ABCA13: variants seen among roughly 807,000 people sequenced by gnomAD.
ABCA13 encodes the protein ATP-binding cassette sub-family A member 13.
ABCA13 carries 476 observed loss-of-function variants against 478.7 expected under a neutral mutation model. That is an observed-to-expected ratio of 0.99 (90% CI 0.92 to 1.07). The LOEUF (loss-of-function observed/expected upper bound fraction) is 1.07, where lower values mean the gene tolerates loss of function less well. Among genes scored for constraint, ABCA13 ranks in the 50% least tolerant of loss-of-function variants. ABCA13 has a pLI of 0.00. For synonymous variants in ABCA13, 2,252 were observed against 2,158.9 expected (o/e 1.04, Z -1.20); for missense variants, 6,060 against 5,910.6 (o/e 1.03, Z -0.83).
At chr7:48,179,399 C>T (rs900683694) in intron 1 of ABCA13, among the ~76,000 whole-genome samples, 2 of 152,216 alleles carry the variant, frequency 1.3e-5, no homozygotes, top group East Asian at 1.9e-4. Flanking sequence ...CTCTCTGCTT[C>T]ATTCCTGTCG....
chr7:48,493,607 A>G (rs1395095555), intron 48 of ABCA13, among the ~76,000 whole-genome samples: 1 of 152,148 alleles, frequency 6.6e-6, no homozygotes, highest in Admixed American at 6.5e-5. Flanking sequence ...AAACTTCTTC[A>G]ACTACTTATT....
intron 42 of ABCA13, among the ~76,000 whole-genome samples, chr7:48,445,010 TC>T (rs1196363502): frequency 7.6e-5 from 8 of 105,302 alleles, no homozygotes; most frequent in East Asian, 3.4e-4. Context: ...TTTCTTTCTT[TC>T]TTTTTTTTTT....
intron 58 of ABCA13, among the ~76,000 whole-genome samples, chr7:48,614,149 C>A (rs1264457089): frequency 1.3e-5 from 2 of 150,530 alleles, no homozygotes; most frequent in Non-Finnish European, 1.5e-5. Context: ...AATATCCATT[C>A]TTTTCTTTTC....
At position 48,327,209 on chromosome 7, in the gene ABCA13, G is replaced by A. The variant is rs956113903; in HGVS notation, c.10000-8213G>A. Among the ~76,000 whole-genome samples the A allele has an allele frequency of 9.2e-5, 14 of 152,286 alleles. No homozygotes were observed. The South Asian group carries it at 2.7e-3, about 29-fold the overall frequency. ...TTTCACATGGCTGGGGAGGCCTCAGGAAACTTACAATCATATTGGAAGGTA... is the reference window on the plus strand; with the variant it reads ...TTTCACATGGCTGGGGAGGCCTCAGAAAACTTACAATCATATTGGAAGGTA... On this transcript the variant is annotated intron_variant, in intron 27 of 61. Transcript: ENST00000435803.
intron 39 of ABCA13, chr7:48,404,322 A>G (rs1032931364): frequency 1.8e-5 from 4 of 217,098 alleles, no homozygotes; most frequent in South Asian, 5.8e-5. Flanking sequence ...CCTCTTGTCC[A>G]TGTTTCTCAC....
At chr7:48,465,778 G>A (rs551607221) in intron 43 of ABCA13, among the ~76,000 whole-genome samples, 2 of 151,840 alleles carry the variant, frequency 1.3e-5, no homozygotes, top group Non-Finnish European at 2.9e-5. Context: ...TCGAACACTA[G>A]TACCTATTTT....
chr7:48,346,822 G>T (rs1002929529), intron 29 of ABCA13, among the ~76,000 whole-genome samples: 1 of 152,142 alleles, frequency 6.6e-6, no homozygotes, highest in African/African-American at 2.4e-5. Context: ...TAGTGCAATT[G>T]CCATGGGAGC....
At position 48,615,228 on chromosome 7, in the gene ABCA13, C is replaced by T; in HGVS notation, c.14745-57C>T. The T allele has an allele frequency of 4.3e-6, 5 of 1,170,694 alleles. No homozygotes were observed. The South Asian group carries it at 1.3e-4, about 30-fold the overall frequency. 72.5% of individuals were successfully genotyped at this position (1,170,694 alleles called of 1,614,324 possible). A position where few individuals can be genotyped will look rare whatever the true frequency, so the allele number is the denominator to read the frequency against. Reference sequence around the variant, plus strand: ...CTCCTTTTTGTTTTGAAAAGTTTGACTCAACCCTCCCCTCTTCAGGAAATG... The same window carrying T: ...CTCCTTTTTGTTTTGAAAAGTTTGATTCAACCCTCCCCTCTTCAGGAAATG... On this transcript the variant is annotated intron_variant, in intron 58 of 61. Transcript: ENST00000435803.
rs559760791 is a variant in ABCA13 at position 48,510,605 on chromosome 7, C to T, written c.13525-479C>T. ...AAATACCACAGGCTGGGTAGCTTCA[C>T]CCCGGAAACTTGATTCTCTCATTGT... On this transcript the variant is annotated intron_variant, in intron 50 of 61. Transcript: ENST00000435803. Among the ~76,000 whole-genome samples the T allele has an allele frequency of 5.3e-5, 8 of 152,148 alleles. No homozygotes were observed. The South Asian group carries it at 1.0e-3, about 20-fold the overall frequency.
At chr7:48,216,471 C>A (rs1786497468) in intron 3 of ABCA13, among the ~76,000 whole-genome samples, 1 of 152,100 alleles carries the variant, frequency 6.6e-6, no homozygotes. Flanking sequence ...TGTAAGAATT[C>A]TTCATATATT....
At chr7:48,461,052 T>A (rs1331439715) in intron 43 of ABCA13, among the ~76,000 whole-genome samples, 1 of 152,236 alleles carries the variant, frequency 6.6e-6, no homozygotes, top group East Asian at 1.9e-4. Flanking sequence ...TTTCAGTAAT[T>A]CAGTGAGAGG....
intron 55 of ABCA13, among the ~76,000 whole-genome samples, chr7:48,556,195 T>A (rs1185249181): frequency 1.3e-5 from 2 of 151,976 alleles, no homozygotes; most frequent in Non-Finnish European, 2.9e-5. Flanking sequence ...AGTTTTTGAA[T>A]CTTTTAAGAT....
chr7:48,257,417 G>T (rs1008280095), intron 15 of ABCA13, among the ~76,000 whole-genome samples: 6 of 152,098 alleles, frequency 3.9e-5, no homozygotes, highest in African/African-American at 1.4e-4. Context: ...TTCCCACTTA[G>T]TATGATTTTG....
chr7:48,562,359 T>C (rs574393151), intron 55 of ABCA13, among the ~76,000 whole-genome samples: 2 of 152,208 alleles, frequency 1.3e-5, no homozygotes, highest in African/African-American at 2.4e-5. Flanking sequence ...TAATGACATC[T>C]AAGGTTGGAA....
chr7:48,376,347 C>T (rs1243375657), intron 34 of ABCA13, 94 bp from the exon 35 acceptor site: 14 of 1,472,636 alleles, frequency 9.5e-6, no homozygotes, highest in Non-Finnish European at 1.3e-5. Context: ...TGTTCAACTT[C>T]ACTTGAGCTT....
chr7:48,580,249 G>T lies in ABCA13; in HGVS notation c.14380G>T (p.Gly4794Cys). The T allele has an allele frequency of 6.2e-7, 1 of 1,610,746 alleles. No homozygotes were observed. Among genetic ancestry groups the T allele is most frequent in the Admixed American group, 1.7e-5 (1 of 59,678 alleles). ...AGACGCCGTGGACCTGTCTTCTGCTGGCACGGCAGGCGTGCTCATTGGCTA... is the reference window on the plus strand; with the variant it reads ...AGACGCCGTGGACCTGTCTTCTGCTTGCACGGCAGGCGTGCTCATTGGCTA... ...MGDAVDLSSA[G>C]TAGVLIGYCP... Residue 4794 changes from glycine (G) to cysteine (C), a missense_variant, in exon 56 of 62, where the codon GGC becomes TGC. Physicochemically the swap from Gly to Cys is radical, Grantham distance 159. Around this residue, in one of 3 missense-constraint regions of ABCA13, gnomAD observed 1,627 missense variants for 1,571.0 expected, o/e 1.04. Transcript: ENST00000435803.
At chr7:48,475,615 G>A (rs912007500) in intron 45 of ABCA13, among the ~76,000 whole-genome samples, 3 of 151,736 alleles carry the variant, frequency 2.0e-5, no homozygotes, top group Non-Finnish European at 2.9e-5. Context: ...ACAGGCATGC[G>A]CCACTGTGCC....
At chr7:48,616,994 A>G (rs1460888763) in intron 59 of ABCA13, among the ~76,000 whole-genome samples, 1 of 152,168 alleles carries the variant, frequency 6.6e-6, no homozygotes, top group Non-Finnish European at 1.5e-5. Flanking sequence ...TGATTGTGCC[A>G]CTACACTCCA....
At chr7:48,188,509 G>A (rs36151174) in intron 1 of ABCA13, among the ~76,000 whole-genome samples, 30,655 of 152,158 alleles carry the variant, frequency 0.2, 3,355 homozygotes, top group Middle Eastern at 0.25. Flanking sequence ...ATTGTCAACT[G>A]AGTTGGGGTT....
Sources: allele counts gnomAD v4.1 joint callset (sites outside exome capture counted in the v4.1 genomes callset), GRCh38; gene constraint gnomAD v4.1.1; regional missense constraint gnomAD v4.1.1; transcripts MANE v1.5; gene names NCBI Gene and HGNC (gene_info 2026-07-23, HGNC 2026-07-21).